PLCH2: variants seen among roughly 807,000 people sequenced by gnomAD.
PLCH2 encodes the protein 1-phosphatidylinositol 4,5-bisphosphate phosphodiesterase eta-2.
In PLCH2, 98 loss-of-function variants were observed where a neutral mutation model predicts 134.7. The observed-to-expected ratio is 0.73, with a 90% CI of 0.62 to 0.86. The LOEUF (loss-of-function observed/expected upper bound fraction) is 0.86, where lower values mean the gene tolerates loss of function less well. Among genes scored for constraint, PLCH2 ranks in the 40% least tolerant of loss-of-function variants. PLCH2 has a pLI of 0.00. For synonymous variants in PLCH2, 974 were observed against 827.5 expected (o/e 1.18, Z -3.04); for missense variants, 1,994 against 1,986.6 (o/e 1.00, Z -0.07).
intron 2 of PLCH2, among the ~76,000 whole-genome samples, chr1:2,450,365 A>G (rs1416349068): frequency 6.6e-6 from 1 of 151,788 alleles, no homozygotes; most frequent in Non-Finnish European, 1.5e-5. Context: ...CACTTTTCAG[A>G]GCCTCTGCTC....
upstream of PLCH2, among the ~76,000 whole-genome samples, chr1:2,464,102 C>T (rs1640948246): frequency 6.6e-6 from 1 of 152,256 alleles, no homozygotes; most frequent in African/African-American, 2.4e-5. Context: ...GACCAGGGCA[C>T]TGGCCTCCCT....
Position 2,498,884 on chromosome 1 carries a change from T to C in PLCH2, c.2434+56T>C, listed in dbSNP as rs571092351. On this transcript the variant is annotated intron_variant, in intron 18 of 21. Transcript: ENST00000378486. The surrounding 1 kb of genome is among the most constrained non-coding windows in gnomAD (Gnocchi z 5.4). The stretch of plus-strand genomic sequence containing the variant: ...GTGATGGAAGTCTGAGGGGGGAGGG[T>C]TGGGGCTACCTGGTGTGCCCGGGTG... 4.1e-6 allele frequency: 6 copies of C among 1,456,712 alleles called. No individual in the cohort carries two copies. The East Asian group carries it at 1.4e-4, about 35-fold the overall frequency. 90.2% of individuals were successfully genotyped at this position (1,456,712 alleles called of 1,614,324 possible). A position where few individuals can be genotyped will look rare whatever the true frequency, so the allele number is the denominator to read the frequency against.
chr1:2,494,125 G>A (rs1230732042), intron 11 of PLCH2, among the ~76,000 whole-genome samples: 2 of 152,152 alleles, frequency 1.3e-5, no homozygotes, highest in African/African-American at 2.4e-5. Context: ...TGGTATGGGA[G>A]CCCCTCCTGA....
At position 2,487,193 on chromosome 1, in the gene PLCH2, A is replaced by T. The variant is rs1642332474; in HGVS notation, c.931A>T (p.Ser311Cys). ...TGCAGGCTTCACCAACTACACCAGG[A>T]GCCCTGCTGGTGACATCTTCAACCC... ...GIDGFTNYTRSPAGDIFNPEH... is the reference protein window; with the variant it reads ...GIDGFTNYTRCPAGDIFNPEH... Residue 311 changes from serine (S) to cysteine (C), a missense_variant, in exon 7 of 22, where the codon AGC (serine) becomes TGC (cysteine). This residue lies in a region of PLCH2 where 1,094 missense variants were observed against 1,234.3 expected (regional missense o/e 0.89). Coordinates refer to ENST00000378486, the MANE Select transcript of PLCH2 (RefSeq NM_014638.4). 6.3e-7 allele frequency: 1 copy of T among 1,577,208 alleles called. No individual in the cohort carries two copies. Among genetic ancestry groups the T allele is most frequent in the South Asian group, 1.2e-5 (1 of 86,666 alleles).
At chr1:2,451,289 C>G (rs973685663) in intron 2 of PLCH2, among the ~76,000 whole-genome samples, 4 of 152,218 alleles carry the variant, frequency 2.6e-5, no homozygotes, top group Admixed American at 6.5e-5. Flanking sequence ...GGTCTGGGGC[C>G]AGAGATGTGT....
rs1214580599 is a variant in PLCH2, at chr1:2,498,954, T to C, written c.2434+126T>C. On this transcript the variant is annotated intron_variant, in intron 18 of 21. Transcript: ENST00000378486. This position sits in a 1 kb window ranked among gnomAD's most constrained non-coding sequence, Gnocchi z 5.4. Reference sequence around the variant, plus strand: ...AGTGACAGTCCTGGGCGCCCTCCCCTCTAGGTGGGCAGTCCCGGAAGCAGC... The same window carrying C: ...AGTGACAGTCCTGGGCGCCCTCCCCCCTAGGTGGGCAGTCCCGGAAGCAGC... 14 of 1,381,256 alleles carry C rather than the reference T, an allele frequency of 1.0e-5. No homozygotes were observed. In the Admixed American group the frequency reaches 2.8e-4, roughly 28 times the overall value. The allele number at this position is 1,381,256 out of a possible 1,614,324, so 85.6% of individuals were successfully genotyped here.
At chr1:2,495,962 G>A (rs900727978) in intron 13 of PLCH2, among the ~76,000 whole-genome samples, 4 of 152,070 alleles carry the variant, frequency 2.6e-5, no homozygotes, top group East Asian at 1.9e-4. Context: ...CCAGGCCCCC[G>A]TGTCGGAGGC....
chr1:2,479,529 A>T, intron 2 of PLCH2: 1 of 538,876 alleles, frequency 1.9e-6, no homozygotes, highest in Non-Finnish European at 3.3e-6. Context: ...GGAAAGGGGG[A>T]GGGACACGGG....
intron 4 of PLCH2, 97 bp downstream of exon 4, chr1:2,480,409 G>C (rs1358808336): frequency 5.1e-6 from 7 of 1,384,396 alleles, no homozygotes; most frequent in Non-Finnish European, 7.0e-6. Flanking sequence ...CTGAGCTGGA[G>C]GGGACCCTGG....
At chr1:2,497,075 C>A in intron 15 of PLCH2, 65 bp downstream of exon 15, 1 of 1,515,030 alleles carries the variant, frequency 6.6e-7, no homozygotes, top group Non-Finnish European at 9.0e-7. Context: ...CCCTGAAGCC[C>A]AAGGGGCGAG....
chr1:2,498,976 CAGCACCGGGAGT>C lies in PLCH2; in HGVS notation c.2435-107_2435-96del. The C allele has an allele frequency of 1.4e-6, 2 of 1,425,872 alleles. No individual in the cohort carries two copies. The highest frequency in any genetic ancestry group is 2.5e-5 in the East Asian group (1 of 40,164). 88.3% of individuals were successfully genotyped at this position (1,425,872 alleles called of 1,614,324 possible). A position where few individuals can be genotyped will look rare whatever the true frequency, so the allele number is the denominator to read the frequency against. The stretch of plus-strand genomic sequence containing the variant: ...CCCTCTAGGTGGGCAGTCCCGGAAG[CAGCACCGGGAGT>C]GGCACTGGGAGTGGTGTGGGCCGGG... On this transcript the variant is annotated intron_variant, in intron 18 of 21. Coordinates refer to ENST00000378486, the MANE Select transcript of PLCH2 (RefSeq NM_014638.4). The surrounding 1 kb of genome is among the most constrained non-coding windows in gnomAD (Gnocchi z 5.4).
chr1:2,499,504 C>T (rs1643093080), intron 19 of PLCH2, 137 bp from the exon 20 acceptor site: 1 of 738,884 alleles, frequency 1.4e-6, no homozygotes, highest in East Asian at 2.7e-5. Flanking sequence ...GCTGGGCCCA[C>T]AGGAGGCAGA....
At chr1:2,447,351 C>T (rs1187489835) in intron 2 of PLCH2, among the ~76,000 whole-genome samples, 2 of 152,176 alleles carry the variant, frequency 1.3e-5, no homozygotes, top group African/African-American at 2.4e-5. Flanking sequence ...ACCTGTGTTC[C>T]GCACACACCT....
chr1:2,479,801 C>T lies in PLCH2; in HGVS notation c.339C>T (p.Asp113=), dbSNP rs751401229. 4.2e-5 allele frequency: 67 copies of T among 1,587,664 alleles called. No homozygotes were observed. Among genetic ancestry groups the T allele is most frequent in the East Asian group, 2.5e-4 (11 of 43,206 alleles). ...CGGAGGTCTTCCAGCGCTACCCTGACGGCAGCTTCGACCCCAACTGCTGCT... is the reference window on the plus strand; with the variant it reads ...CGGAGGTCTTCCAGCGCTACCCTGATGGCAGCTTCGACCCCAACTGCTGCT... ...RQSEVFQRYP[D]GSFDPNCCFS... The change falls in exon 3 of 22, where the codon GAC becomes GAT. Residue 113 remains aspartate, a synonymous_variant. Transcript: ENST00000378486.
intron 2 of PLCH2, among the ~76,000 whole-genome samples, chr1:2,449,911 A>C (rs950727053): frequency 1.3e-5 from 2 of 152,210 alleles, no homozygotes; most frequent in African/African-American, 4.8e-5. Flanking sequence ...CTCAGAACTG[A>C]GTTGCAGCTG....
upstream of PLCH2, among the ~76,000 whole-genome samples, chr1:2,473,590 T>C (rs528855953): frequency 5.9e-5 from 9 of 152,290 alleles, no homozygotes; most frequent in South Asian, 1.2e-3. Context: ...CCTGGTGGCC[T>C]TAGCTGCCTC....
chr1:2,499,267 C>G (rs115659022), intron 19 of PLCH2, 37 bp downstream of exon 19: 2 of 1,608,616 alleles, frequency 1.2e-6, no homozygotes. Context: ...CCACACTGGC[C>G]GAGGGCCCCA....
chr1:2,498,955 C>G lies in PLCH2; in HGVS notation c.2434+127C>G. 1 of 1,382,790 alleles carries G rather than the reference C, an allele frequency of 7.2e-7. No individual in the cohort carries two copies. Among genetic ancestry groups the G allele is most frequent in the Non-Finnish European group, 1.0e-6 (1 of 1,002,334 alleles). 85.7% of individuals were successfully genotyped at this position (1,382,790 alleles called of 1,614,324 possible). On this transcript the variant is annotated intron_variant, in intron 18 of 21. Coordinates refer to ENST00000378486, the MANE Select transcript of PLCH2 (RefSeq NM_014638.4). This position sits in a 1 kb window ranked among gnomAD's most constrained non-coding sequence, Gnocchi z 5.4. ...GTGACAGTCCTGGGCGCCCTCCCCT[C>G]TAGGTGGGCAGTCCCGGAAGCAGCA... is the stretch of plus-strand genomic sequence containing the variant.
intron 5 of PLCH2, among the ~76,000 whole-genome samples, chr1:2,484,826 C>T (rs1488088907): frequency 6.6e-6 from 1 of 152,138 alleles, no homozygotes; most frequent in Non-Finnish European, 1.5e-5. Flanking sequence ...GAGAGCCCCC[C>T]AAGTTGGCTT....
Sources: allele counts gnomAD v4.1 joint callset (sites outside exome capture counted in the v4.1 genomes callset), GRCh38; gene constraint gnomAD v4.1.1; regional missense constraint gnomAD v4.1.1; non-coding constraint Gnocchi (gnomAD v3.1); transcripts MANE v1.5; gene names NCBI Gene and HGNC (gene_info 2026-07-23, HGNC 2026-07-21).